ANXA8: variants seen among roughly 807,000 people sequenced by gnomAD.
ANXA8 encodes the protein VAC-beta.
In ANXA8, 9 loss-of-function variants were observed where a neutral mutation model predicts 26.8. The ratio of observed to expected loss-of-function variants is 0.34; its 90% CI spans 0.20 to 0.59. ANXA8 has a LOEUF of 0.59. ANXA8 is among the 20% of genes least tolerant of loss of function. The pLI is 0.84. For missense variants in ANXA8, 83 were observed against 238.5 expected (o/e 0.35, Z 4.29); for synonymous variants, 39 against 94.8 (o/e 0.41, Z 3.42).
chr10:47,653,094 C>T, the ANXA8 span, among the ~76,000 whole-genome samples: 2 of 150,736 alleles, frequency 1.3e-5, no homozygotes, highest in Non-Finnish European at 1.5e-5. Flanking sequence ...GGTAGATCAT[C>T]TGAGGTTAGG....
chr10:47,631,864 T>A, the ANXA8 span, among the ~76,000 whole-genome samples: 1 of 151,654 alleles, frequency 6.6e-6, no homozygotes. Flanking sequence ...TTGGAAAATA[T>A]ATTAAACATT....
At chr10:47,894,972 T>C in the ANXA8 span, among the ~76,000 whole-genome samples, 6 of 151,610 alleles carry the variant, frequency 4.0e-5, no homozygotes, top group African/African-American at 1.2e-4. Context: ...ACACCACACA[T>C]ACCACACACA....
chr10:47,958,168 C>T, the ANXA8 span, among the ~76,000 whole-genome samples: 2 of 150,164 alleles, frequency 1.3e-5, no homozygotes, highest in Non-Finnish European at 2.9e-5. Context: ...GCCTCTGAAA[C>T]CTAAGGACAC....
chr10:47,894,286 G>A, the ANXA8 span, among the ~76,000 whole-genome samples: 1 of 146,076 alleles, frequency 6.8e-6, no homozygotes, highest in Non-Finnish European at 1.5e-5. Context: ...ACCAGCTAAG[G>A]TGTCCTCACC....
the ANXA8 span, among the ~76,000 whole-genome samples, chr10:47,631,296 C>T: frequency 6.6e-6 from 1 of 151,972 alleles, no homozygotes; most frequent in Admixed American, 6.5e-5. Context: ...TTAATTCTCT[C>T]AAAATGATCT....
At chr10:47,748,459 G>A in the ANXA8 span, among the ~76,000 whole-genome samples, 6 of 151,932 alleles carry the variant, frequency 3.9e-5, no homozygotes, top group Non-Finnish European at 7.4e-5. Flanking sequence ...GTGATCCACT[G>A]GCCTTGGCCT....
chr10:47,489,525 C>T, the ANXA8 span: 1 of 596,218 alleles, frequency 1.7e-6, no homozygotes, highest in East Asian at 2.8e-5. Flanking sequence ...AACAGGTTGG[C>T]CCAGCACCTA....
At chr10:47,697,088 C>A in the ANXA8 span, among the ~76,000 whole-genome samples, 1 of 151,790 alleles carries the variant, frequency 6.6e-6, no homozygotes, top group Admixed American at 6.6e-5. Flanking sequence ...ATCTCCTCCA[C>A]TAGGAAATAA....
the ANXA8 span, chr10:47,553,356 C>T: frequency 6.5e-6 from 1 of 153,090 alleles, no homozygotes; most frequent in Non-Finnish European, 1.5e-5. Context: ...TATGCCGCTC[C>T]TCGGGAGCAA....
chr10:47,480,951 A>C (rs1227821558), intron 1 of ANXA8, among the ~76,000 whole-genome samples: 1 of 123,876 alleles, frequency 8.1e-6, no homozygotes, highest in African/African-American at 2.8e-5. Context: ...ATTCCAATGG[A>C]TGGTATATCT....
chr10:47,563,774 C>T, the ANXA8 span: 1 of 759,312 alleles, frequency 1.3e-6, no homozygotes, highest in South Asian at 1.5e-5. Context: ...AGAAATATAC[C>T]TTATCGGAAC....
chr10:47,976,365 T>G, the ANXA8 span, among the ~76,000 whole-genome samples: 1 of 149,852 alleles, frequency 6.7e-6, no homozygotes, highest in Non-Finnish European at 1.5e-5. Flanking sequence ...GGTGTTTTAA[T>G]TTGCCTTATT....
chr10:47,702,300 C>T, the ANXA8 span, among the ~76,000 whole-genome samples: 1 of 151,290 alleles, frequency 6.6e-6, no homozygotes, highest in Non-Finnish European at 1.5e-5. Context: ...AATGAGCATA[C>T]CTGGTGCCCA....
chr10:47,638,957 CA>C, the ANXA8 span, among the ~76,000 whole-genome samples: 2 of 148,224 alleles, frequency 1.3e-5, no homozygotes, highest in Non-Finnish European at 2.9e-5. Context: ...TTATCTGAAA[CA>C]AATAAAATTA....
the ANXA8 span, chr10:47,502,198 G>A: frequency 2.6e-5 from 40 of 1,539,984 alleles, 5 homozygotes; most frequent in Middle Eastern, 7.2e-4. Flanking sequence ...CGTCCACCCC[G>A]TCAGGAGCTG....
chr10:47,762,297 C>A, the ANXA8 span, among the ~76,000 whole-genome samples: 1 of 151,458 alleles, frequency 6.6e-6, no homozygotes, highest in Non-Finnish European at 1.5e-5. Flanking sequence ...GGAGGCTTCG[C>A]CCCGGGGGTG....
At chr10:47,958,910 C>T in the ANXA8 span, among the ~76,000 whole-genome samples, 1 of 150,142 alleles carries the variant, frequency 6.7e-6, no homozygotes, top group Non-Finnish European at 1.5e-5. Context: ...TCTATCTAGT[C>T]CTAACTTTAA....
chr10:47,667,413 C>T, the ANXA8 span, among the ~76,000 whole-genome samples: 1 of 151,936 alleles, frequency 6.6e-6, no homozygotes, highest in Non-Finnish European at 1.5e-5. Context: ...CCTTTGTTTC[C>T]ACTGTTCTGA....
the ANXA8 span, among the ~76,000 whole-genome samples, chr10:47,898,810 G>GTTTTT: frequency 2.9e-4 from 6 of 21,048 alleles, no homozygotes; most frequent in Non-Finnish European, 5.9e-4. Flanking sequence ...AAAGAGAATG[G>GTTTTT]ATTTTTTTTT....
Sources: allele counts gnomAD v4.1 joint callset (sites outside exome capture counted in the v4.1 genomes callset), GRCh38; gene constraint gnomAD v4.1.1; transcripts MANE v1.5; gene names NCBI Gene and HGNC (gene_info 2026-07-23, HGNC 2026-07-21).